Variants in CLEC10A observed in about 807,000 individuals in gnomAD.
The protein encoded by CLEC10A is C-type lectin domain containing 10A.
CLEC10A carries 38 observed loss-of-function variants against 42.0 expected under a neutral mutation model. The observed-to-expected ratio is 0.90, with a 90% CI of 0.70 to 1.18. The LOEUF is 1.18. Among genes scored for constraint, CLEC10A ranks in the 50% most tolerant of loss-of-function variants. CLEC10A has a pLI of 0.00. For missense variants in CLEC10A, 298 were observed against 345.9 expected (o/e 0.86, Z 1.10); for synonymous variants, 126 against 139.9 (o/e 0.90, Z 0.70).
Position 7,074,734 on chromosome 17 carries a change from T to G in CLEC10A, c.*320A>C. ...AGGGGACTGGTGGGGGCGATGGCAATGTTATCTATTGCGATCGGAGTGGTA... is the reference window on the plus strand; with the variant it reads ...AGGGGACTGGTGGGGGCGATGGCAAGGTTATCTATTGCGATCGGAGTGGTA... On this transcript the variant is annotated 3_prime_UTR_variant, in exon 9 of 9. Transcript: ENST00000416562. 5.3e-6 allele frequency: 1 copy of G among 190,368 alleles called. No homozygotes were observed. Among genetic ancestry groups the G allele is most frequent in the Non-Finnish European group, 1.1e-5 (1 of 93,828 alleles). 11.8% of individuals were successfully genotyped at this position (190,368 alleles called of 1,614,324 possible). A position where few individuals can be genotyped will look rare whatever the true frequency, so the allele number is the denominator to read the frequency against.
chr17:7,077,285 C>CT (rs1567745416), intron 3 of CLEC10A, among the ~76,000 whole-genome samples: 66 of 108,068 alleles, frequency 6.1e-4, no homozygotes, highest in African/African-American at 2.2e-3. Context: ...CAGTGCCCCC[C>CT]CACCATTCCC....
chr17:7,077,969 C>G, intron 3 of CLEC10A, 28 bp downstream of exon 3: 2 of 1,533,116 alleles, frequency 1.3e-6, no homozygotes, highest in Non-Finnish European at 1.8e-6. Context: ...TTATTTCTCT[C>G]TTCCCTGTCC....
intron 5 of CLEC10A, among the ~76,000 whole-genome samples, chr17:7,076,405 T>A (rs910706399): frequency 4.0e-5 from 6 of 149,354 alleles, no homozygotes; most frequent in Non-Finnish European, 5.9e-5. Flanking sequence ...CCGCCTCCCG[T>A]GTTCAAGCAA....
At position 7,074,996 on chromosome 17, in the gene CLEC10A, G is replaced by T. The variant is rs867799020; in HGVS notation, c.*58C>A. The T allele has an allele frequency of 2.8e-6, 4 of 1,411,364 alleles. No individual in the cohort carries two copies. Among genetic ancestry groups the T allele is most frequent in the Admixed American group, 2.7e-5 (1 of 37,142 alleles). 87.4% of individuals were successfully genotyped at this position (1,411,364 alleles called of 1,614,324 possible). A position where few individuals can be genotyped will look rare whatever the true frequency, so the allele number is the denominator to read the frequency against. ...CAGAGCGGTCTTGCGAGGAGGTCGTGAGAAGAGTCCTCCTCCCACCGCCAT... is the reference window on the plus strand; with the variant it reads ...CAGAGCGGTCTTGCGAGGAGGTCGTTAGAAGAGTCCTCCTCCCACCGCCAT... On this transcript the variant is annotated 3_prime_UTR_variant, in exon 9 of 9. Transcript: ENST00000416562.
At position 7,075,069 on chromosome 17, in the gene CLEC10A, G is replaced by T. The variant is rs1356067322; in HGVS notation, c.855C>A (p.Ser285Arg). Residue 285 changes from serine to arginine, a missense_variant, in exon 9 of 9, where the codon AGC becomes AGA. Physicochemically the swap from Ser to Arg is moderately radical, Grantham distance 110. This residue lies in a region of CLEC10A where 267 missense variants were observed against 289.5 expected (regional missense o/e 0.92). Coordinates refer to ENST00000416562, the MANE Select transcript of CLEC10A (RefSeq NM_001330070.2). ...CAAAGGCAGCTCAGTGACTCTCCTGGCTGGTCTGACCCAGGCCAGCCTCGC... is the reference window on the plus strand; with the variant it reads ...CAAAGGCAGCTCAGTGACTCTCCTGTCTGGTCTGACCCAGGCCAGCCTCGC... ...WVCEAGLGQT[S>R]QESH 1 of 1,578,990 alleles carries T rather than the reference G, an allele frequency of 6.3e-7. No homozygotes were observed. The highest frequency in any genetic ancestry group is 1.2e-5 in the South Asian group (1 of 85,540).
chr17:7,079,582 CA>C (rs903689605), intron 1 of CLEC10A, among the ~76,000 whole-genome samples: 29 of 148,148 alleles, frequency 2.0e-4, no homozygotes, highest in Middle Eastern at 3.4e-3. Flanking sequence ...GACTCAGTCT[CA>C]AAAAAAAAGA....
chr17:7,077,849 T>C (rs1000122706), intron 3 of CLEC10A, 148 bp downstream of exon 3: 2 of 662,470 alleles, frequency 3.0e-6, no homozygotes, highest in African/African-American at 3.8e-5. Context: ...GCCCCATTGT[T>C]ATCTCCACAG....
chr17:7,078,760 T>G lies in CLEC10A; in HGVS notation c.53A>C (p.Gln18Pro). Reference sequence around the variant, plus strand: ...TTTCCTCTTACCATTTTTAAACCCCTGGACTTTCACCTTATTCTCCAAGTA... The same window carrying G: ...TTTCCTCTTACCATTTTTAAACCCCGGGACTTTCACCTTATTCTCCAAGTA... ...FQYLENKVKVQGFKNGPLPLQ... is the reference protein window; with the variant it reads ...FQYLENKVKVPGFKNGPLPLQ... The change falls in exon 2 of 9, where the codon CAG becomes CCG. Residue 18 changes from glutamine (Q) to proline (P), a missense_variant. Physicochemically the swap from Gln to Pro is moderately conservative, Grantham distance 76. Coordinates refer to ENST00000416562, the MANE Select transcript of CLEC10A (RefSeq NM_001330070.2). 6.2e-7 allele frequency: 1 copy of G among 1,614,158 alleles called. No individual in the cohort carries two copies. The highest frequency in any genetic ancestry group is 8.5e-7 in the Non-Finnish European group (1 of 1,179,980).
At position 7,075,817 on chromosome 17, in the gene CLEC10A, G is replaced by A. The variant is rs1294996583; in HGVS notation, c.508C>T (p.His170Tyr). The A allele has an allele frequency of 4.3e-6, 7 of 1,614,090 alleles. No homozygotes were observed. The African/African-American group carries it at 8.0e-5, about 18-fold the overall frequency. ...GCCTCGGCCCAGGACATCCCAGAGT[G>A]AGAGAACCAGTAGCAGCTGTCTTGG... is the stretch of plus-strand genomic sequence containing the variant. ...EHQDSCYWFS[H>Y]SGMSWAEAEK... Residue 170 changes from histidine to tyrosine, a missense_variant, in exon 7 of 9, where the codon CAC becomes TAC. Physicochemically the swap from His to Tyr is moderately conservative, Grantham distance 83. This residue lies in a region of CLEC10A where 267 missense variants were observed against 289.5 expected (regional missense o/e 0.92). Transcript: ENST00000416562.
chr17:7,078,665 G>A, intron 2 of CLEC10A, 81 bp downstream of exon 2: 1 of 1,385,578 alleles, frequency 7.2e-7, no homozygotes, highest in South Asian at 1.2e-5. Context: ...AGTGCGCGTG[G>A]TGGAGGTACA....
At chr17:7,077,125 T>C (rs564664523) in intron 3 of CLEC10A, 138 bp from the exon 4 acceptor site, 2 of 657,520 alleles carry the variant, frequency 3.0e-6, no homozygotes, top group African/African-American at 1.8e-5. Flanking sequence ...TTGTTCAATA[T>C]TGCCGATGAG....
intron 8 of CLEC10A, 40 bp from the exon 9 acceptor site, chr17:7,075,262 G>A (rs751782878): frequency 6.6e-6 from 10 of 1,509,326 alleles, no homozygotes; most frequent in Admixed American, 4.7e-5. Context: ...AAGGGTAGAT[G>A]GAGTAGAATT....
rs5028250 is a variant in CLEC10A at position 7,077,716 on chromosome 17, A to C, written c.184+281T>G. The stretch of plus-strand genomic sequence containing the variant: ...ACTCCATCAGTGCCCCCCTACCGTT[A>C]CCATCAATCACTCCATCAGTGCCCT... On this transcript the variant is annotated intron_variant, in intron 3 of 8. Transcript: ENST00000416562. 5.2e-3 allele frequency among the ~76,000 whole-genome samples: 279 copies of C among 53,578 alleles called. 5 individuals carry two copies. Among genetic ancestry groups the C allele is most frequent in the Admixed American group, 9.3e-3 (49 of 5,284 alleles). The allele number at this position is 53,578 out of a possible 152,430, so 35.1% of individuals were successfully genotyped here.
rs571998024 is a variant in CLEC10A at position 7,078,621 on chromosome 17, C to G, written c.67+125G>C. On this transcript the variant is annotated intron_variant, in intron 2 of 8. Coordinates refer to ENST00000416562, the MANE Select transcript of CLEC10A (RefSeq NM_001330070.2). ...CTCTTCACACTAGGCCCGTCAGAGG[C>G]TGGGGCCTGACCTCCTCAGAGTTAG... The G allele has an allele frequency of 1.2e-4, 103 of 887,320 alleles. 1 individual carries two copies. In the South Asian group the frequency reaches 1.4e-3, roughly 12 times the overall value. The allele number at this position is 887,320 out of a possible 1,614,324, so 55.0% of individuals were successfully genotyped here. A position where few individuals can be genotyped will look rare whatever the true frequency, so the allele number is the denominator to read the frequency against.
intron 4 of CLEC10A, 37 bp downstream of exon 4, chr17:7,076,855 T>C: frequency 1.9e-6 from 3 of 1,613,706 alleles, no homozygotes; most frequent in Non-Finnish European, 2.5e-6. Flanking sequence ...CTCCCTGGCC[T>C]GGCCCCAGCC....
chr17:7,076,742 G>A lies in CLEC10A; in HGVS notation c.343C>T (p.Arg115Trp), dbSNP rs36097216. 1.4e-5 allele frequency: 23 copies of A among 1,613,478 alleles called. No homozygotes were observed. Among genetic ancestry groups the A allele is most frequent in the Middle Eastern group, 1.7e-4 (1 of 6,058 alleles). Residue 115 changes from arginine to tryptophan, a missense_variant, in exon 5 of 9, where the codon CGG becomes TGG. Transcript: ENST00000416562. ...TCGGAGGGTCTCTCACCTGCCTGCC[G>A]TTCCTGCTTGAAACCCTCCACCTCA... is the stretch of plus-strand genomic sequence containing the variant. ...KAEVEGFKQE[R>W]QAVHSEMLLR... is the part of the protein sequence containing the mutation.
At chr17:7,075,939 C>A in intron 6 of CLEC10A, 46 bp downstream of exon 6, 1 of 1,612,410 alleles carries the variant, frequency 6.2e-7, no homozygotes, top group Non-Finnish European at 8.5e-7. Flanking sequence ...GCCCAGTGGG[C>A]CATGGGCAGA....
At chr17:7,077,852 C>A in intron 3 of CLEC10A, 145 bp downstream of exon 3, 3 of 682,982 alleles carry the variant, frequency 4.4e-6, no homozygotes, top group Non-Finnish European at 5.3e-6. Flanking sequence ...CCATTGTTAT[C>A]TCCACAGCTG....
At position 7,075,745 on chromosome 17, in the gene CLEC10A, A is replaced by T. The variant is rs1208148556; in HGVS notation, c.580T>A (p.Ser194Thr). 6.2e-7 allele frequency: 1 copy of T among 1,613,992 alleles called. No homozygotes were observed. The highest frequency in any genetic ancestry group is 1.3e-5 in the African/African-American group (1 of 74,894). ...GAAGCCCTCACCTGCTCCTCCCTGGAGTTGATGACCACCAGGTGGGCGTTC... is the reference window on the plus strand; with the variant it reads ...GAAGCCCTCACCTGCTCCTCCCTGGTGTTGATGACCACCAGGTGGGCGTTC... ...LKNAHLVVIN[S>T]REEQNFVQKY... The change falls in exon 7 of 9, where the codon TCC becomes ACC. Residue 194 changes from serine to threonine, a missense_variant. Coordinates refer to ENST00000416562, the MANE Select transcript of CLEC10A (RefSeq NM_001330070.2).
Sources: gnomAD v4.1 joint callset for allele counts (sites outside exome capture counted in the v4.1 genomes callset) on GRCh38, gnomAD v4.1.1 for gene constraint, gnomAD v4.1.1 regional missense constraint, MANE v1.5 for transcripts, NCBI Gene and HGNC (gene_info 2026-07-23, HGNC 2026-07-21) for gene names.